Variants in NDUFAF2 observed in about 807,000 individuals in gnomAD.
NDUFAF2 encodes NADH:ubiquinone oxidoreductase complex assembly factor 2, also known as NADH dehydrogenase [ubiquinone] 1 alpha subcomplex assembly factor 2.
In NDUFAF2, 13 loss-of-function variants were observed where a neutral mutation model predicts 22.8. The ratio of observed to expected loss-of-function variants is 0.57; its 90% confidence interval spans 0.37 to 0.91. NDUFAF2 has a LOEUF of 0.91. Among genes scored for constraint, NDUFAF2 ranks in the 40% least tolerant of loss-of-function variants. The pLI is 0.01. For missense variants in NDUFAF2, 162 were observed against 195.2 expected (o/e 0.83, Z 1.01); for synonymous variants, 53 against 64.2 (o/e 0.83, Z 0.84).
At chr5:60,974,975 C>T (rs1446929184) in intron 1 of NDUFAF2, among the ~76,000 whole-genome samples, 1 of 151,896 alleles carries the variant, frequency 6.6e-6, no homozygotes, top group Non-Finnish European at 1.5e-5. Context: ...ACCACCACAT[C>T]CAGCTTATTT....
intron 1 of NDUFAF2, among the ~76,000 whole-genome samples, chr5:60,994,261 C>T (rs1751199387): frequency 6.6e-6 from 1 of 152,242 alleles, no homozygotes; most frequent in Non-Finnish European, 1.5e-5. Context: ...GAGGAGCCTT[C>T]TCAGTCTCCC....
At chr5:61,068,375 G>A (rs1007726611) in intron 1 of NDUFAF2, among the ~76,000 whole-genome samples, 3 of 152,078 alleles carry the variant, frequency 2.0e-5, no homozygotes, top group Non-Finnish European at 2.9e-5. Flanking sequence ...TCCTCAGAAT[G>A]TCAGAGTAAG....
intron 3 of NDUFAF2, among the ~76,000 whole-genome samples, chr5:61,149,986 G>A (rs368611925): frequency 5.1e-4 from 77 of 152,002 alleles, no homozygotes; most frequent in African/African-American, 1.7e-3. Context: ...TTGGAGTGCC[G>A]TGGTACAATC....
intron 1 of NDUFAF2, among the ~76,000 whole-genome samples, chr5:61,016,421 T>G (rs1183742586): frequency 2.0e-5 from 3 of 152,130 alleles, no homozygotes; most frequent in Non-Finnish European, 4.4e-5. Context: ...TTGCTTTCAT[T>G]GTATGCGTAT....
chr5:61,110,616 C>T (rs1296147003), intron 3 of NDUFAF2, among the ~76,000 whole-genome samples: 1 of 151,950 alleles, frequency 6.6e-6, no homozygotes, highest in South Asian at 2.1e-4. Context: ...CTTATAGTTG[C>T]TCATAGTAGC....
chr5:60,952,908 A>G (rs926948233), intron 1 of NDUFAF2, among the ~76,000 whole-genome samples: 1 of 152,098 alleles, frequency 6.6e-6, no homozygotes, highest in Non-Finnish European at 1.5e-5. Flanking sequence ...AAAGATAATA[A>G]TACAAATTAC....
chr5:61,036,739 C>T (rs909005089), intron 1 of NDUFAF2, among the ~76,000 whole-genome samples: 71 of 152,124 alleles, frequency 4.7e-4, no homozygotes, highest in Non-Finnish European at 8.8e-4. Context: ...GATCTAGAGA[C>T]AGAGTTGTGA....
intron 1 of NDUFAF2, among the ~76,000 whole-genome samples, chr5:60,960,703 T>C (rs879812992): frequency 2.0e-5 from 3 of 152,206 alleles, no homozygotes; most frequent in Admixed American, 2.0e-4. Context: ...TCCATTCTTA[T>C]AAAATGAATT....
intron 2 of NDUFAF2, among the ~76,000 whole-genome samples, chr5:61,094,318 T>C (rs1050601584): frequency 1.3e-5 from 2 of 152,244 alleles, no homozygotes; most frequent in African/African-American, 2.4e-5. Flanking sequence ...TCTTGTATTA[T>C]GGTTTTCAGC....
intron 1 of NDUFAF2, among the ~76,000 whole-genome samples, chr5:60,962,646 C>CATCTCT (rs1284820473): frequency 6.6e-6 from 1 of 151,932 alleles, no homozygotes; most frequent in Non-Finnish European, 1.5e-5. Flanking sequence ...TCCTGGCTAA[C>CATCTCT]ACGGTGAAAC....
At chr5:61,048,352 G>T (rs1235045118) in intron 1 of NDUFAF2, among the ~76,000 whole-genome samples, 2 of 151,956 alleles carry the variant, frequency 1.3e-5, no homozygotes, top group African/African-American at 4.8e-5. Context: ...TTTATCCTGG[G>T]GTTAGTGCCT....
intron 2 of NDUFAF2, among the ~76,000 whole-genome samples, chr5:61,075,791 A>G (rs1752361442): frequency 6.6e-6 from 1 of 152,212 alleles, no homozygotes; most frequent in African/African-American, 2.4e-5. Context: ...CACCATGAAA[A>G]AGTAAATTAA....
chr5:60,946,366 A>C (rs1236400603), intron 1 of NDUFAF2, among the ~76,000 whole-genome samples: 6 of 152,210 alleles, frequency 3.9e-5, no homozygotes, highest in Non-Finnish European at 7.3e-5. Flanking sequence ...TTCCAAGATT[A>C]TGTGCCATTC....
chr5:60,972,866 G>T (rs1206177359), intron 1 of NDUFAF2, among the ~76,000 whole-genome samples: 1 of 119,964 alleles, frequency 8.3e-6, no homozygotes, highest in East Asian at 2.5e-4. Context: ...ATTTACCTCT[G>T]TATTTCTACC....
intron 3 of NDUFAF2, among the ~76,000 whole-genome samples, chr5:61,149,373 G>A (rs986161011): frequency 3.3e-5 from 5 of 152,108 alleles, no homozygotes; most frequent in Admixed American, 1.3e-4. Context: ...GATAAACTGA[G>A]ACTAAAAAAG....
At chr5:61,130,180 T>C (rs1753091317) in intron 3 of NDUFAF2, among the ~76,000 whole-genome samples, 1 of 152,102 alleles carries the variant, frequency 6.6e-6, no homozygotes, top group Admixed American at 6.6e-5. Flanking sequence ...TTCAAGGAAT[T>C]GACTATCACT....
At chr5:60,986,161 G>A (rs749565463) in intron 1 of NDUFAF2, among the ~76,000 whole-genome samples, 1 of 152,088 alleles carries the variant, frequency 6.6e-6, no homozygotes, top group African/African-American at 2.4e-5. Flanking sequence ...CCAAAAGGAA[G>A]GAAATCAGTA....
At chr5:61,041,068 T>C (rs1751876777) in intron 1 of NDUFAF2, among the ~76,000 whole-genome samples, 1 of 152,274 alleles carries the variant, frequency 6.6e-6, no homozygotes, top group African/African-American at 2.4e-5. Flanking sequence ...AGATCATTTA[T>C]AAAGATTAAC....
At chr5:60,984,409 C>T (rs1751038308) in intron 1 of NDUFAF2, among the ~76,000 whole-genome samples, 2 of 152,080 alleles carry the variant, frequency 1.3e-5, no homozygotes, top group Non-Finnish European at 2.9e-5. Context: ...TGCCTGATTG[C>T]CCTGGCCAGA....
Sources: gnomAD v4.1 joint callset for allele counts (sites outside exome capture counted in the v4.1 genomes callset) on GRCh38, gnomAD v4.1.1 for gene constraint, MANE v1.5 for transcripts, NCBI Gene and HGNC (gene_info 2026-07-23, HGNC 2026-07-21) for gene names.